MPHOSPH9: variants seen among roughly 807,000 people sequenced by gnomAD.
MPHOSPH9 encodes the protein M-phase phosphoprotein 9.
In MPHOSPH9, 88 loss-of-function variants were observed where a neutral mutation model predicts 145.5. That is an observed-to-expected ratio of 0.60 (90% CI 0.51 to 0.72). The LOEUF is 0.72. MPHOSPH9 is among the 30% of genes least tolerant of loss of function. The pLI is 0.00. For synonymous variants in MPHOSPH9, 435 were observed against 486.2 expected, an observed-to-expected ratio of 0.89 and a Z score of 1.39; for missense variants, 1,238 against 1,386.6, an observed-to-expected ratio of 0.89 and a Z score of 1.70.
At chr12:123,243,776 G>C (rs960335551) in intron 1 of MPHOSPH9, 10 of 152,216 alleles carry the variant, frequency 6.6e-5, no homozygotes, top group Admixed American at 2.0e-4. Context: ...AAGGTGACCA[G>C]TGTCATCTCA....
intron 13 of MPHOSPH9, among the ~76,000 whole-genome samples, chr12:123,190,563 T>A (rs550975644): frequency 6.6e-6 from 1 of 152,128 alleles, no homozygotes; most frequent in Non-Finnish European, 1.5e-5. Flanking sequence ...TTAAAATGAA[T>A]CAATAAAAGC....
intron 16 of MPHOSPH9, among the ~76,000 whole-genome samples, chr12:123,176,172 A>C (rs2044855556): frequency 6.6e-6 from 1 of 151,964 alleles, no homozygotes; most frequent in Non-Finnish European, 1.5e-5. Context: ...AATAAAATTC[A>C]GATCTAATAT....
intron 5 of MPHOSPH9, among the ~76,000 whole-genome samples, chr12:123,219,425 C>T (rs1373688424): frequency 3.3e-5 from 5 of 151,134 alleles, no homozygotes; most frequent in East Asian, 3.9e-4. Context: ...GGTGAAACCC[C>T]GTCTCTACTA....
chr12:123,175,152 C>T (rs972476083), intron 16 of MPHOSPH9, among the ~76,000 whole-genome samples: 1 of 145,552 alleles, frequency 6.9e-6, no homozygotes, highest in Non-Finnish European at 1.5e-5. Flanking sequence ...CAAGATCTAA[C>T]TTTTTTTTTT....
intron 13 of MPHOSPH9, among the ~76,000 whole-genome samples, chr12:123,189,922 C>A (rs1398205112): frequency 2.0e-5 from 3 of 148,996 alleles, no homozygotes; most frequent in African/African-American, 7.4e-5. Context: ...GGCAATGGAG[C>A]GAGACTCCAT....
intron 8 of MPHOSPH9, among the ~76,000 whole-genome samples, chr12:123,206,870 C>T (rs1427590728): frequency 6.6e-6 from 1 of 151,236 alleles, no homozygotes; most frequent in East Asian, 2.0e-4. Context: ...GCCGAGATCA[C>T]ACCACTGCAC....
upstream of MPHOSPH9, among the ~76,000 whole-genome samples, chr12:123,236,592 C>CAA (rs113568323): frequency 1.6e-3 from 165 of 105,942 alleles, 2 homozygotes; most frequent in East Asian, 1.3e-3. Context: ...GACCCTGTCT[C>CAA]AAAAAAAAAA....
chr12:123,234,791 C>A (rs2047812948), upstream of MPHOSPH9, among the ~76,000 whole-genome samples: 1 of 152,164 alleles, frequency 6.6e-6, no homozygotes, highest in Non-Finnish European at 1.5e-5. Context: ...TAAACCAGGA[C>A]TTACTTCATT....
chr12:123,222,985 T>C (rs940001929), intron 4 of MPHOSPH9, 53 bp downstream of exon 4: 4 of 917,112 alleles, frequency 4.4e-6, no homozygotes, highest in African/African-American at 1.7e-5. Flanking sequence ...TGTGTGTATA[T>C]GTACGTATGT....
intron 8 of MPHOSPH9, among the ~76,000 whole-genome samples, chr12:123,204,307 A>G (rs559955127): frequency 6.6e-6 from 1 of 151,884 alleles, no homozygotes; most frequent in Non-Finnish European, 1.5e-5. Context: ...CGTCTCAAAA[A>G]AAAAAAAAAA....
rs749297507 is a variant in MPHOSPH9 at position 123,214,774 on chromosome 12, G to T, written c.1057C>A (p.Pro353Thr). ...CCTGAATCAGACATCCAAGCATTTGGAGTTTCATCTGGTTTACTGAGGTAA... is the reference window on the plus strand; with the variant it reads ...CCTGAATCAGACATCCAAGCATTTGTAGTTTCATCTGGTTTACTGAGGTAA... The part of the protein sequence containing the change: ...AFYLSKPDET[P>T]NAWMSDSGTG... Residue 353 changes from proline (P) to threonine (T), a missense_variant, in exon 7 of 24, where the codon CCA becomes ACA. Coordinates refer to ENST00000606320, the MANE Select transcript of MPHOSPH9 (RefSeq NM_022782.4). 3.1e-6 allele frequency: 5 copies of T among 1,613,354 alleles called. No individual in the cohort carries two copies. The highest frequency in any genetic ancestry group is 4.2e-6 in the Non-Finnish European group (5 of 1,179,418).
chr12:123,192,675 G>A (rs1220321795), intron 13 of MPHOSPH9, among the ~76,000 whole-genome samples: 33 of 133,884 alleles, frequency 2.5e-4, no homozygotes, highest in Non-Finnish European at 4.3e-4. Flanking sequence ...AAAAGGAAAT[G>A]TAATATGTAA....
At chr12:123,199,948 A>G (rs2046145841) in intron 11 of MPHOSPH9, among the ~76,000 whole-genome samples, 1 of 152,136 alleles carries the variant, frequency 6.6e-6, no homozygotes, top group Non-Finnish European at 1.5e-5. Flanking sequence ...GATCCTAACC[A>G]CTGTGCATTA....
rs987513472 is a variant in MPHOSPH9 at position 123,220,634 on chromosome 12, T to C, written c.872+738A>G. ...TTGGTTTCAGCTGGACATGGTAACATAGCACGCGCTCATAGTCCTAGCTAC... is the reference window on the plus strand; with the variant it reads ...TTGGTTTCAGCTGGACATGGTAACACAGCACGCGCTCATAGTCCTAGCTAC... On this transcript the variant is annotated intron_variant, in intron 5 of 23. Coordinates refer to ENST00000606320, the MANE Select transcript of MPHOSPH9 (RefSeq NM_022782.4). Among the ~76,000 whole-genome samples the C allele has an allele frequency of 2.0e-5, 3 of 152,000 alleles. No individual in the cohort carries two copies. In the South Asian group the frequency reaches 6.2e-4, roughly 32 times the overall value.
chr12:123,209,995 C>G, intron 8 of MPHOSPH9, 61 bp downstream of exon 8: 1 of 1,211,260 alleles, frequency 8.3e-7, no homozygotes, highest in Middle Eastern at 2.0e-4. Flanking sequence ...CTCGGCCTCC[C>G]AAAGCGCTGG....
chr12:123,173,421 C>T (rs2044679743), intron 16 of MPHOSPH9, among the ~76,000 whole-genome samples: 1 of 152,168 alleles, frequency 6.6e-6, no homozygotes, highest in South Asian at 2.1e-4. Context: ...TTTTACCTTA[C>T]CAGGGTAGGA....
In MPHOSPH9 at chr12:123,156,707, T is replaced by TA. The variant is rs1266576804; in HGVS notation, c.*99_*100insT. ...AATAGCATGATTGTAAAACTACTGT[T>TA]TGAAGGCTTATAAACAGTACAAAAT... On this transcript the variant is annotated 3_prime_UTR_variant, in exon 24 of 24. Transcript: ENST00000606320. 4.0e-6 allele frequency: 3 copies of TA among 756,366 alleles called. No homozygotes were observed. Among genetic ancestry groups the TA allele is most frequent in the Non-Finnish European group, 6.2e-6 (3 of 485,700 alleles). The allele number at this position is 756,366 out of a possible 1,614,324, so 46.9% of individuals were successfully genotyped here. A position where few individuals can be genotyped will look rare whatever the true frequency, so the allele number is the denominator to read the frequency against.
chr12:123,222,932 A>G, intron 4 of MPHOSPH9, 106 bp downstream of exon 4: 1 of 668,030 alleles, frequency 1.5e-6, no homozygotes, highest in Non-Finnish European at 2.2e-6. Context: ...GTGAGACTCC[A>G]TTTCTATATA....
intron 11 of MPHOSPH9, among the ~76,000 whole-genome samples, chr12:123,199,277 C>T (rs1441594305): frequency 2.6e-5 from 4 of 151,954 alleles, no homozygotes; most frequent in Non-Finnish European, 5.9e-5. Context: ...GAATTTAGCA[C>T]GAATATAACT....
Sources: allele counts gnomAD v4.1 joint callset (sites outside exome capture counted in the v4.1 genomes callset), GRCh38; gene constraint gnomAD v4.1.1; transcripts MANE v1.5; gene names NCBI Gene and HGNC (gene_info 2026-07-23, HGNC 2026-07-21).